The following DISP3 variants were observed in gnomAD, a reference collection of about 807,000 sequenced individuals.
The protein encoded by DISP3 is dispatched RND transporter family member 3.
Under a neutral mutation model 135.3 loss-of-function variants are expected in DISP3, and 101 were observed. That is an observed-to-expected ratio of 0.75 (90% CI 0.64 to 0.88). The LOEUF is 0.88. Among genes scored for constraint, DISP3 ranks in the 40% least tolerant of loss-of-function variants. The probability of loss-of-function intolerance (pLI) is 0.00; values close to 1 mark genes in which losing one functional copy is unlikely to be tolerated. For missense variants in DISP3, 1,713 were observed against 1,878.6 expected, an observed-to-expected ratio of 0.91 and a Z score of 1.63; for synonymous variants, 856 against 817.0, an observed-to-expected ratio of 1.05 and a Z score of -0.81.
At chr1:11,486,581 G>A (rs1641041125) in intron 1 of DISP3, among the ~76,000 whole-genome samples, 1 of 152,208 alleles carries the variant, frequency 6.6e-6, no homozygotes. Flanking sequence ...TCAGCCAACT[G>A]GCGTTCTTGG....
chr1:11,514,253 G>A, intron 3 of DISP3, 137 bp from the exon 4 acceptor site: 6 of 1,032,584 alleles, frequency 5.8e-6, no homozygotes, highest in Non-Finnish European at 8.7e-6. Context: ...AAGCCCCCAG[G>A]TGATTTTGAT....
Position 11,501,564 on chromosome 1 carries a change from C to T in DISP3, c.572C>T (p.Ala191Val), listed in dbSNP as rs755183404. The change falls in exon 2 of 21, where the codon GCG becomes GTG. Residue 191 changes from alanine to valine, a missense_variant. Transcript: ENST00000294484. This position sits in a 1 kb window ranked among gnomAD's most constrained non-coding sequence, Gnocchi z 4.9. ...CCAGGCCCTTACCGGGACACTTCCG[C>T]GGCTCAAAAGCCCACAGCCAATCGG... The part of the protein sequence containing the change: ...GGPGPYRDTS[A>V]AQKPTANRSG... 2 of 1,587,482 alleles carry T rather than the reference C, an allele frequency of 1.3e-6. No homozygotes were observed. Among genetic ancestry groups the T allele is most frequent in the South Asian group, 1.1e-5 (1 of 88,148 alleles).
At position 11,536,243 on chromosome 1, in the gene DISP3, GT is replaced by G. The variant is rs2100522601; in HGVS notation, c.3817-80del. On this transcript the variant is annotated intron_variant, in intron 20 of 20. Transcript: ENST00000294484. This position sits in a 1 kb window ranked among gnomAD's most constrained non-coding sequence, Gnocchi z 4.3. ...TAACAGAGCAGGAACCTGGCGTGGG[GT>G]GGGGGTGCGTGATTCCCCAGGTGCT... 1.3e-5 allele frequency: 19 copies of G among 1,509,720 alleles called. No individual in the cohort carries two copies. The South Asian group carries it at 2.4e-4, about 19-fold the overall frequency. The allele number at this position is 1,509,720 out of a possible 1,614,324, so 93.5% of individuals were successfully genotyped here.
In DISP3 at chr1:11,525,317, G is replaced by T; in HGVS notation, c.2613+5G>T. The T allele has an allele frequency of 6.2e-7, 1 of 1,611,954 alleles. No individual in the cohort carries two copies. Among genetic ancestry groups the T allele is most frequent in the South Asian group, 1.1e-5 (1 of 91,026 alleles). On this transcript the variant is annotated splice_donor_5th_base_variant and intron_variant, in intron 12 of 20. Coordinates refer to ENST00000294484, the MANE Select transcript of DISP3 (RefSeq NM_020780.2). ...GGAGAGGTGCCCTCCTTCCAGGTGA[G>T]CCTGGGCTGTCGTGAAGTGAGCCGC...
At chr1:11,502,265 A>G (rs747787769) in intron 2 of DISP3, among the ~76,000 whole-genome samples, 177 bp downstream of exon 2, 23 of 152,198 alleles carry the variant, frequency 1.5e-4, no homozygotes, top group Non-Finnish European at 2.9e-4. Context: ...AGATGAGCGT[A>G]AGAGGGAACT....
chr1:11,489,363 A>G (rs1364024966), intron 1 of DISP3, among the ~76,000 whole-genome samples: 1 of 152,210 alleles, frequency 6.6e-6, no homozygotes, highest in Non-Finnish European at 1.5e-5. Flanking sequence ...GAGGGATTGC[A>G]GTCTCCCAAG....
chr1:11,534,320 T>C, intron 17 of DISP3, 61 bp from the exon 18 acceptor site: 1 of 1,591,628 alleles, frequency 6.3e-7, no homozygotes, highest in Non-Finnish European at 8.6e-7. Context: ...CAGCCATGCC[T>C]GGGAAGGGCG....
intron 1 of DISP3, among the ~76,000 whole-genome samples, chr1:11,493,723 CA>C (rs573040513): frequency 1.1e-3 from 157 of 143,466 alleles, no homozygotes; most frequent in African/African-American, 1.4e-3. Flanking sequence ...GACTCCATCT[CA>C]AAAAAAAAAA....
At chr1:11,522,399 C>T (rs1318016199) in intron 10 of DISP3, among the ~76,000 whole-genome samples, 1 of 152,156 alleles carries the variant, frequency 6.6e-6, no homozygotes, top group East Asian at 1.9e-4. Flanking sequence ...CGGAGCCAGC[C>T]CTGGCCACGT....
At position 11,529,996 on chromosome 1, in the gene DISP3, A is replaced by G. The variant is rs767209188; in HGVS notation, c.3102+37A>G. The stretch of plus-strand genomic sequence containing the variant: ...GCGTCGGGCAGATGCCGAGGGCCCC[A>G]GCTGCAACAGTCTTGCAAATAAGCA... On this transcript the variant is annotated intron_variant, in intron 15 of 20. Transcript: ENST00000294484. The surrounding 1 kb of genome is among the most constrained non-coding windows in gnomAD (Gnocchi z 4.7). 1 of 1,597,976 alleles carries G rather than the reference A, an allele frequency of 6.3e-7. No homozygotes were observed.
At position 11,501,205 on chromosome 1, in the gene DISP3, GTGCT is replaced by G; in HGVS notation, c.214_217del (p.Cys72ValfsTer154). ...CCCTGGGCTGGGCCTTCACCAATCC[GTGCT>G]GTGCTGGGCTGGTGCTCTTCCTGGG... On this transcript the variant is annotated frameshift_variant, in exon 2 of 21. Transcript: ENST00000294484. LOFTEE classifies it high-confidence loss of function. The surrounding 1 kb of genome is among the most constrained non-coding windows in gnomAD (Gnocchi z 4.9). The G allele has an allele frequency of 6.2e-7, 1 of 1,613,996 alleles. No homozygotes were observed. The highest frequency in any genetic ancestry group is 1.1e-5 in the South Asian group (1 of 91,086).
At chr1:11,522,583 A>AGCCAGGGCCCAGCCAG (rs1642235665) in intron 10 of DISP3, among the ~76,000 whole-genome samples, 1 of 54,476 alleles carries the variant, frequency 1.8e-5, no homozygotes, top group South Asian at 6.2e-4. Flanking sequence ...GACCCAGCCA[A>AGCCAGGGCCCAGCCAG]GACCCAGCCA....
At chr1:11,518,753 G>A (rs1320861690) in intron 7 of DISP3, among the ~76,000 whole-genome samples, 1 of 152,192 alleles carries the variant, frequency 6.6e-6, no homozygotes, top group Non-Finnish European at 1.5e-5. Flanking sequence ...CAGCAGCACT[G>A]TGATACCTGG....
chr1:11,479,467 C>A (rs1640830814), intron 1 of DISP3, 95 bp downstream of exon 1: 1 of 152,326 alleles, frequency 6.6e-6, no homozygotes, highest in African/African-American at 2.4e-5. Flanking sequence ...GCCGTCCGCA[C>A]CCCGACCTGC....
intron 5 of DISP3, 91 bp downstream of exon 5, chr1:11,515,594 TG>T (rs1641988348): frequency 1.0e-5 from 15 of 1,505,488 alleles, no homozygotes; most frequent in Non-Finnish European, 1.3e-5. Context: ...CTGGCTTCCC[TG>T]GGGGCTCTAC....
intron 3 of DISP3, among the ~76,000 whole-genome samples, chr1:11,513,467 C>A (rs891660048): frequency 2.0e-5 from 3 of 152,118 alleles, no homozygotes; most frequent in African/African-American, 7.2e-5. Flanking sequence ...GATCCCCTGC[C>A]TTCCCACGTA....
chr1:11,502,226 C>A, intron 2 of DISP3, 138 bp downstream of exon 2: 1 of 1,340,294 alleles, frequency 7.5e-7, no homozygotes, highest in Non-Finnish European at 9.8e-7. Flanking sequence ...GGCCGGAGGG[C>A]AAGGTGAAAA....
rs780480591 is a variant in DISP3, at chr1:11,500,981, C to T, written c.-3-9C>T. ...TCTCTAGCCTGCTGACCCTCTCCCT[C>T]TCCTGCAGACTATGGACACGGAGGA... is the stretch of plus-strand genomic sequence containing the variant. On this transcript the variant is annotated splice_polypyrimidine_tract_variant and intron_variant, in intron 1 of 20. Coordinates refer to ENST00000294484, the MANE Select transcript of DISP3 (RefSeq NM_020780.2). The T allele has an allele frequency of 2.7e-5, 44 of 1,613,314 alleles. No homozygotes were observed. The highest frequency in any genetic ancestry group is 3.6e-5 in the Non-Finnish European group (42 of 1,179,800).
intron 3 of DISP3, among the ~76,000 whole-genome samples, chr1:11,508,703 A>G (rs1041707662): frequency 2.6e-5 from 4 of 152,114 alleles, no homozygotes; most frequent in African/African-American, 7.2e-5. Flanking sequence ...GAGATGTTTC[A>G]ATAGAGGCCT....
Sources: gnomAD v4.1 joint callset for allele counts (sites outside exome capture counted in the v4.1 genomes callset) on GRCh38, gnomAD v4.1.1 for gene constraint, Gnocchi (gnomAD v3.1) non-coding constraint, MANE v1.5 for transcripts, NCBI Gene and HGNC (gene_info 2026-07-23, HGNC 2026-07-21) for gene names.